The following MAML3 variants were observed in gnomAD, a reference collection of about 807,000 sequenced individuals.
MAML3 encodes the protein mastermind-like protein 3.
MAML3 carries 27 observed loss-of-function variants against 101.9 expected under a neutral mutation model. The ratio of observed to expected loss-of-function variants is 0.27; its 90% confidence interval spans 0.20 to 0.37. The LOEUF (loss-of-function observed/expected upper bound fraction) is 0.37, where lower values mean the gene tolerates loss of function less well. Ranked by LOEUF, MAML3 falls within the 10% of genes least tolerant of loss-of-function variation. MAML3 has a pLI of 1.00. For synonymous variants in MAML3, 501 were observed against 555.9 expected, an observed-to-expected ratio of 0.90 and a Z score of 1.39; for missense variants, 1,316 against 1,444.9, an observed-to-expected ratio of 0.91 and a Z score of 1.45.
intron 1 of MAML3, among the ~76,000 whole-genome samples, chr4:140,067,561 T>C (rs912086848): frequency 1.3e-5 from 2 of 152,170 alleles, no homozygotes; most frequent in Non-Finnish European, 2.9e-5. Flanking sequence ...AGCAGAGTTT[T>C]CTGTATTGTC....
rs1021473539 is a variant in MAML3, at chr4:139,785,912, G to A, written c.2080-55245C>T. Among the ~76,000 whole-genome samples the A allele has an allele frequency of 2.6e-5, 4 of 152,078 alleles. No homozygotes were observed. The highest frequency in any genetic ancestry group is 1.9e-4 in the East Asian group (1 of 5,182). ...ATTAAATCTTGAATTTTAAGTTCCC[G>A]ATGGTAAAATGGGGGTGTTATGGAC... On this transcript the variant is annotated intron_variant, in intron 2 of 4. Coordinates refer to ENST00000509479, the MANE Select transcript of MAML3 (RefSeq NM_018717.5). The surrounding 1 kb of genome is among the most constrained non-coding windows in gnomAD (Gnocchi z 4.3).
chr4:139,824,763 C>A (rs945950563), intron 2 of MAML3, among the ~76,000 whole-genome samples: 11 of 152,160 alleles, frequency 7.2e-5, no homozygotes, highest in Non-Finnish European at 1.5e-4. Context: ...ATATCAGACA[C>A]CCTGTTAAAG....
intron 2 of MAML3, among the ~76,000 whole-genome samples, chr4:139,870,878 C>CTG (rs1306152909): frequency 6.6e-6 from 1 of 151,976 alleles, no homozygotes; most frequent in Non-Finnish European, 1.5e-5. Flanking sequence ...ATACATTCAA[C>CTG]AGGAAAAATG....
intron 2 of MAML3, among the ~76,000 whole-genome samples, chr4:139,748,834 C>T (rs1729405615): frequency 1.3e-5 from 2 of 152,170 alleles, no homozygotes; most frequent in Admixed American, 1.3e-4. Context: ...AGGTATTTTG[C>T]CAGCGGCCAT....
chr4:139,910,322 A>C (rs1451463405), intron 1 of MAML3, among the ~76,000 whole-genome samples: 1 of 152,222 alleles, frequency 6.6e-6, no homozygotes, highest in African/African-American at 2.4e-5. Flanking sequence ...GACTGTGATG[A>C]GTAGAATCCT....
chr4:139,860,532 C>T (rs934916837), intron 2 of MAML3, among the ~76,000 whole-genome samples: 1 of 152,178 alleles, frequency 6.6e-6, no homozygotes, highest in Non-Finnish European at 1.5e-5. Context: ...AAGACAAATA[C>T]GACAACCGTT....
At chr4:139,951,429 C>G (rs1578613750) in intron 1 of MAML3, among the ~76,000 whole-genome samples, 2 of 152,328 alleles carry the variant, frequency 1.3e-5, no homozygotes, top group East Asian at 3.9e-4. Flanking sequence ...TGGAGGCCCA[C>G]CAGTGAGGTC....
intron 1 of MAML3, among the ~76,000 whole-genome samples, chr4:140,052,310 A>C (rs1413723042): frequency 1.3e-5 from 2 of 152,166 alleles, no homozygotes; most frequent in African/African-American, 2.4e-5. Flanking sequence ...ACTGCGGGGT[A>C]GCCAGCTACA....
intron 1 of MAML3, among the ~76,000 whole-genome samples, chr4:140,143,103 G>T (rs1260734224): frequency 1.3e-5 from 2 of 152,180 alleles, no homozygotes; most frequent in Non-Finnish European, 2.9e-5. Flanking sequence ...GTTTTTTAAA[G>T]TGTTTCCATT....
intron 1 of MAML3, among the ~76,000 whole-genome samples, chr4:139,940,858 A>G (rs1212718605): frequency 1.3e-5 from 2 of 152,246 alleles, no homozygotes; most frequent in East Asian, 1.9e-4. Flanking sequence ...ACATGGAGAC[A>G]TAATACCAGG....
chr4:140,130,766 AG>A (rs1175475430), intron 1 of MAML3, among the ~76,000 whole-genome samples: 1 of 152,190 alleles, frequency 6.6e-6, no homozygotes, highest in African/African-American at 2.4e-5. Flanking sequence ...GTAATTAATA[AG>A]GATATGATGA....
chr4:140,134,258 G>A (rs969918054), intron 1 of MAML3: 55 of 456,648 alleles, frequency 1.2e-4, no homozygotes, highest in African/African-American at 4.0e-4. Context: ...ACTTTGACTC[G>A]TATAAACACA....
chr4:139,981,117 G>A (rs902252464), intron 1 of MAML3, among the ~76,000 whole-genome samples: 1 of 152,226 alleles, frequency 6.6e-6, no homozygotes. Flanking sequence ...GCGTTCTGGA[G>A]TCTGGAAGCC....
intron 1 of MAML3, among the ~76,000 whole-genome samples, chr4:139,909,695 G>A (rs1732882038): frequency 6.6e-6 from 1 of 152,054 alleles, no homozygotes; most frequent in Non-Finnish European, 1.5e-5. Context: ...AAATTAGCTG[G>A]GCATGGTGGT....
At position 139,894,057 on chromosome 4, in the gene MAML3, G is replaced by T. The variant is rs180673660; in HGVS notation, c.469-3090C>A. 4.0e-3 allele frequency among the ~76,000 whole-genome samples: 610 copies of T among 152,276 alleles called. 2 individuals are homozygous for T. Among genetic ancestry groups the T allele is most frequent in the South Asian group, 0.014 (68 of 4,826 alleles). On this transcript the variant is annotated intron_variant, in intron 1 of 4. Coordinates refer to ENST00000509479, the MANE Select transcript of MAML3 (RefSeq NM_018717.5). ...TGTATTACAGAACCAATGCAAGAGA[G>T]GGGGAGGATTCCCTCTGCCCCTGAC...
chr4:140,102,853 C>G (rs918401090), intron 1 of MAML3, among the ~76,000 whole-genome samples: 47 of 152,284 alleles, frequency 3.1e-4, no homozygotes, highest in African/African-American at 1.1e-3. Flanking sequence ...TAAAATTACT[C>G]ATCACCACCA....
intron 1 of MAML3, among the ~76,000 whole-genome samples, chr4:139,953,352 G>A (rs1733862851): frequency 6.6e-6 from 1 of 152,204 alleles, no homozygotes; most frequent in South Asian, 2.1e-4. Flanking sequence ...ACAACTTTGT[G>A]CGGTGGCTCA....
chr4:139,725,880 G>T, intron 3 of MAML3, 45 bp from the exon 4 acceptor site: 1 of 1,489,162 alleles, frequency 6.7e-7, no homozygotes, highest in Non-Finnish European at 9.4e-7. Context: ...GAGATAGGGA[G>T]CAAGCACACA....
At chr4:139,759,385 G>T (rs529613539) in intron 2 of MAML3, among the ~76,000 whole-genome samples, 2 of 152,310 alleles carry the variant, frequency 1.3e-5, no homozygotes, top group African/African-American at 4.8e-5. Flanking sequence ...GGCTCACGTG[G>T]CAGGGAACTC....
Sources: allele counts gnomAD v4.1 joint callset (sites outside exome capture counted in the v4.1 genomes callset), GRCh38; gene constraint gnomAD v4.1.1; non-coding constraint Gnocchi (gnomAD v3.1); transcripts MANE v1.5; gene names NCBI Gene and HGNC (gene_info 2026-07-23, HGNC 2026-07-21).